ACTN2: variants seen among roughly 807,000 people sequenced by gnomAD.
The protein encoded by ACTN2 is actinin alpha 2, also known as alpha-actinin-2.
ACTN2 carries 39 observed loss-of-function variants against 113.8 expected under a neutral mutation model. The ratio of observed to expected loss-of-function variants is 0.34; its 90% confidence interval spans 0.27 to 0.45. The LOEUF (loss-of-function observed/expected upper bound fraction) is 0.45. Among genes scored for constraint, ACTN2 ranks in the 20% least tolerant of loss-of-function variants. The pLI, the probability that ACTN2 is intolerant of heterozygous loss-of-function variation, is 1.00. For synonymous variants in ACTN2, 429 were observed against 444.1 expected (o/e 0.97, Z 0.43); for missense variants, 992 against 1,177.9 (o/e 0.84, Z 2.31).
chr1:236,761,062 G>T lies in ACTN2; in HGVS notation c.2415G>T (p.Gly805=), dbSNP rs1161029503. The T allele has an allele frequency of 6.2e-7, 1 of 1,614,112 alleles. No individual in the cohort carries two copies. Among genetic ancestry groups the T allele is most frequent in the South Asian group, 1.1e-5 (1 of 91,076 alleles). ...ARIMTLVDPN[G]QGTVTFQSFI... ...TTATGACCCTGGTAGATCCCAACGG[G>T]CAAGGCACCGTCACCTTCCAATCCT... is the stretch of plus-strand genomic sequence containing the variant. Residue 805 remains glycine (G), a synonymous_variant, in exon 20 of 21, where the codon GGG becomes GGT. Coordinates refer to ENST00000366578, the MANE Select transcript of ACTN2 (RefSeq NM_001103.4).
chr1:236,751,462 G>C lies in ACTN2; in HGVS notation c.1657-8G>C. 1.2e-6 allele frequency: 2 copies of C among 1,613,856 alleles called. No homozygotes were observed. Among genetic ancestry groups the C allele is most frequent in the South Asian group, 2.2e-5 (2 of 91,036 alleles). ...CATTGTTTTTCTCCACTTGTGTCTC[G>C]GGTGTAGAGTCTGATCACTGCGCAT... On this transcript the variant is annotated splice_region_variant and splice_polypyrimidine_tract_variant and intron_variant, in intron 14 of 20. Coordinates refer to ENST00000366578, the MANE Select transcript of ACTN2 (RefSeq NM_001103.4).
In ACTN2 at chr1:236,744,712, G is replaced by C. The variant is rs764031568; in HGVS notation, c.1342G>C (p.Glu448Gln). 3 of 1,614,192 alleles carry C rather than the reference G, an allele frequency of 1.9e-6. No individual in the cohort carries two copies. Among genetic ancestry groups the C allele is most frequent in the African/African-American group, 1.3e-5 (1 of 75,072 alleles). The stretch of plus-strand genomic sequence containing the variant: ...TCTGCTGCGGAAGCACGAGGCGTTC[G>C]AGAGCGACCTGGCAGCGCACCAGGA... ...RALLRKHEAF[E>Q]SDLAAHQDRV... The change falls in exon 12 of 21, where the codon GAG (glutamate) becomes CAG (glutamine). Residue 448 changes from glutamate (E) to glutamine (Q), a missense_variant. Coordinates refer to ENST00000366578, the MANE Select transcript of ACTN2 (RefSeq NM_001103.4).
At position 236,686,650 on chromosome 1, in the gene ACTN2, C is replaced by T. The variant is rs775224980; in HGVS notation, c.-24C>T. The T allele has an allele frequency of 6.5e-7, 1 of 1,545,830 alleles. No homozygotes were observed. The highest frequency in any genetic ancestry group is 1.2e-5 in the South Asian group (1 of 85,196). On this transcript the variant is annotated 5_prime_UTR_variant, in exon 1 of 21. Transcript: ENST00000366578. Reference sequence around the variant, plus strand: ...TGCGTCCGAGCCCCTCGCGCCCCGCCGCAGCCCCGGCCAACCGAGCGCCAT... The same window carrying T: ...TGCGTCCGAGCCCCTCGCGCCCCGCTGCAGCCCCGGCCAACCGAGCGCCAT...
At chr1:236,739,241 T>C in intron 9 of ACTN2, 61 bp from the exon 10 acceptor site, 1 of 1,549,006 alleles carries the variant, frequency 6.5e-7, no homozygotes. Context: ...CATTTTTTTT[T>C]TTTAACTGGG....
intron 3 of ACTN2, 79 bp from the exon 4 acceptor site, chr1:236,720,026 G>A: frequency 1.0e-6 from 1 of 971,610 alleles, no homozygotes; most frequent in Non-Finnish European, 1.7e-6. Context: ...TAGCTCTGAA[G>A]TCAACATTTA....
At chr1:236,743,948 A>G (rs1659148939) in intron 11 of ACTN2, among the ~76,000 whole-genome samples, 1 of 152,234 alleles carries the variant, frequency 6.6e-6, no homozygotes, top group South Asian at 2.1e-4. Context: ...TCTAGTACAC[A>G]GTAAGTGGTA....
chr1:236,696,904 C>T (rs1657520048), intron 1 of ACTN2, among the ~76,000 whole-genome samples: 2 of 152,090 alleles, frequency 1.3e-5, no homozygotes, highest in African/African-American at 4.8e-5. Context: ...CCTCGTGATC[C>T]GTCCACCTTG....
In ACTN2 at chr1:236,762,905, T is replaced by C. The variant is rs190536248; in HGVS notation, c.*286T>C. The C allele has an allele frequency of 8.4e-4, 349 of 413,206 alleles. No homozygotes were observed. Among genetic ancestry groups the C allele is most frequent in the Non-Finnish European group, 1.3e-3 (292 of 220,996 alleles). 25.6% of individuals were successfully genotyped at this position (413,206 alleles called of 1,614,324 possible). A position where few individuals can be genotyped will look rare whatever the true frequency, so the allele number is the denominator to read the frequency against. On this transcript the variant is annotated 3_prime_UTR_variant, in exon 21 of 21. Transcript: ENST00000366578. ...GATTAAACAGAACAAATTACTTGAG[T>C]AATAGGAAATTAGGAGGATCTAGGG...
chr1:236,751,378 A>G (rs1041993569), intron 14 of ACTN2, 92 bp from the exon 15 acceptor site: 3 of 1,446,216 alleles, frequency 2.1e-6, no homozygotes, highest in Non-Finnish European at 2.9e-6. Flanking sequence ...GCAATCATCA[A>G]GGCATTTACT....
At chr1:236,751,848 G>A (rs1306960451) in intron 15 of ACTN2, among the ~76,000 whole-genome samples, 196 bp downstream of exon 15, 2 of 152,174 alleles carry the variant, frequency 1.3e-5, no homozygotes, top group African/African-American at 2.4e-5. Flanking sequence ...AGTTTGTGGG[G>A]AAAGAAAGCA....
At position 236,755,131 on chromosome 1, in the gene ACTN2, A is replaced by G. The variant is rs1225795874; in HGVS notation, c.2087A>G (p.Glu696Gly). ...TATAAGAACAACATCGACAAGCTGG[A>G]GGGAGACCATCAGCTCATCCAGGAG... ...INYKNNIDKL[E>G]GDHQLIQEAL... is the part of the protein sequence containing the mutation. The change falls in exon 17 of 21, where the codon GAG (glutamate) becomes GGG (glycine). Residue 696 changes from glutamate to glycine, a missense_variant. Physicochemically the swap from Glu to Gly is moderately conservative, Grantham distance 98. Transcript: ENST00000366578. The G allele has an allele frequency of 6.2e-7, 1 of 1,614,096 alleles. No individual in the cohort carries two copies. Among genetic ancestry groups the G allele is most frequent in the Non-Finnish European group, 8.5e-7 (1 of 1,180,050 alleles).
In ACTN2 at chr1:236,764,490, T is replaced by C. The variant is rs966955174; in HGVS notation, c.*1871T>C. The C allele has an allele frequency of 6.6e-6, 1 of 152,128 alleles. No homozygotes were observed. The highest frequency in any genetic ancestry group is 2.4e-5 in the African/African-American group (1 of 41,422). 9.4% of individuals were successfully genotyped at this position (152,128 alleles called of 1,614,324 possible). A position where few individuals can be genotyped will look rare whatever the true frequency, so the allele number is the denominator to read the frequency against. Reference sequence around the variant, plus strand: ...TCAGTAGTCTCTATCTGCTAATAAATGAAGAAAGGAAGTAAACTCTGAAAA... The same window carrying C: ...TCAGTAGTCTCTATCTGCTAATAAACGAAGAAAGGAAGTAAACTCTGAAAA... On this transcript the variant is annotated 3_prime_UTR_variant, in exon 21 of 21. Coordinates refer to ENST00000366578, the MANE Select transcript of ACTN2 (RefSeq NM_001103.4).
chr1:236,722,114 A>T (rs1277733684), intron 4 of ACTN2, among the ~76,000 whole-genome samples: 1 of 152,216 alleles, frequency 6.6e-6, no homozygotes, highest in Non-Finnish European at 1.5e-5. Flanking sequence ...GCAGTGTCCA[A>T]CACAGTAGAT....
chr1:236,698,916 C>A (rs1657596945), intron 1 of ACTN2, among the ~76,000 whole-genome samples: 1 of 152,142 alleles, frequency 6.6e-6, no homozygotes, highest in African/African-American at 2.4e-5. Context: ...TTTAGCTAGG[C>A]TCAAGTTAAG....
At chr1:236,688,940 A>G (rs1665969971) in intron 1 of ACTN2, among the ~76,000 whole-genome samples, 1 of 152,212 alleles carries the variant, frequency 6.6e-6, no homozygotes, top group Admixed American at 6.5e-5. Context: ...CTGGTAGCAC[A>G]TGATGACGTC....
At chr1:236,713,399 G>C (rs1306880266) in intron 1 of ACTN2, among the ~76,000 whole-genome samples, 4 of 152,000 alleles carry the variant, frequency 2.6e-5, no homozygotes, top group Non-Finnish European at 2.9e-5. Context: ...AACTAGTCTT[G>C]TATTTTTTGT....
At chr1:236,712,898 T>C (rs1456824670) in intron 1 of ACTN2, among the ~76,000 whole-genome samples, 1 of 149,178 alleles carries the variant, frequency 6.7e-6, no homozygotes, top group Non-Finnish European at 1.5e-5. Flanking sequence ...TTTATCTCAT[T>C]ATATGTTCTC....
chr1:236,745,228 A>T (rs1230014982), intron 12 of ACTN2, among the ~76,000 whole-genome samples: 2 of 152,064 alleles, frequency 1.3e-5, no homozygotes, highest in East Asian at 3.9e-4. Context: ...AGGTCAGGAG[A>T]TCGAGACCAT....
chr1:236,688,448 C>T (rs1029869626), intron 1 of ACTN2, among the ~76,000 whole-genome samples: 1 of 151,792 alleles, frequency 6.6e-6, no homozygotes, highest in African/African-American at 2.4e-5. Context: ...CATTGACATC[C>T]CTTCTGCCAT....
Sources: gnomAD v4.1 joint callset for allele counts (sites outside exome capture counted in the v4.1 genomes callset) on GRCh38, gnomAD v4.1.1 for gene constraint, MANE v1.5 for transcripts, NCBI Gene and HGNC (gene_info 2026-07-23, HGNC 2026-07-21) for gene names.